Variants in ENPEP observed in about 807,000 individuals in gnomAD.
The protein encoded by ENPEP is glutamyl aminopeptidase, also known as AP-A.
Under a neutral mutation model 114.5 loss-of-function variants are expected in ENPEP, and 103 were observed. That is an observed-to-expected ratio of 0.90 (90% CI 0.77 to 1.06). The LOEUF is 1.06. Ranked by LOEUF, ENPEP falls within the 50% of genes least tolerant of loss-of-function variation. The probability of loss-of-function intolerance (pLI) is 0.00; values close to 1 mark genes in which losing one functional copy is unlikely to be tolerated. For synonymous variants in ENPEP, 420 were observed against 422.0 expected (o/e 1.00, Z 0.06); for missense variants, 1,196 against 1,161.3 (o/e 1.03, Z -0.43).
intron 3 of ENPEP, among the ~76,000 whole-genome samples, chr4:110,504,133 A>G (rs1175371378): frequency 1.3e-5 from 2 of 152,164 alleles, no homozygotes; most frequent in South Asian, 2.1e-4. Context: ...CAGTTGCTGT[A>G]GCAGAGGGCT....
At chr4:110,533,327 A>G in intron 11 of ENPEP, 1 of 163,960 alleles carries the variant, frequency 6.1e-6, no homozygotes, top group Non-Finnish European at 1.3e-5. Context: ...TATTTGGAAT[A>G]ATAAATTTAA....
Position 110,509,661 on chromosome 4 carries a change from G to T in ENPEP, c.1048G>T (p.Ala350Ser). ...NYSLPKLDKI[A>S]IPDFGTGAME... is the part of the protein sequence containing the mutation. ...TCTTTCTTCTTCTATAGATAAAATCGCTATTCCAGATTTTGGCACTGGTGC... is the reference window on the plus strand; with the variant it reads ...TCTTTCTTCTTCTATAGATAAAATCTCTATTCCAGATTTTGGCACTGGTGC... Residue 350 changes from alanine to serine, a missense_variant, in exon 5 of 20, where the codon GCT (alanine) becomes TCT (serine). Physicochemically the swap from Ala to Ser is moderately conservative, Grantham distance 99. Coordinates refer to ENST00000265162, the MANE Select transcript of ENPEP (RefSeq NM_001977.4). The T allele has an allele frequency of 6.2e-7, 1 of 1,611,500 alleles. No homozygotes were observed. Among genetic ancestry groups the T allele is most frequent in the South Asian group, 1.1e-5 (1 of 90,206 alleles).
intron 10 of ENPEP, 150 bp downstream of exon 10, chr4:110,520,516 G>A (rs1725949556): frequency 2.5e-6 from 2 of 800,886 alleles, no homozygotes; most frequent in South Asian, 3.9e-5. Context: ...TTCAAAAATA[G>A]CCAAGTGATT....
At chr4:110,506,023 CT>C (rs1378236893) in intron 3 of ENPEP, among the ~76,000 whole-genome samples, 8 of 152,172 alleles carry the variant, frequency 5.3e-5, no homozygotes, top group Non-Finnish European at 1.0e-4. Context: ...ATGACTTTCT[CT>C]CAGGGAAAGT....
intron 13 of ENPEP, among the ~76,000 whole-genome samples, chr4:110,546,170 G>A (rs1386566830): frequency 6.6e-6 from 1 of 151,930 alleles, no homozygotes; most frequent in African/African-American, 2.4e-5. Context: ...ATAGGCTGGT[G>A]GTGGGCTATC....
chr4:110,490,381 G>T (rs181380055), intron 2 of ENPEP, among the ~76,000 whole-genome samples: 402 of 152,294 alleles, frequency 2.6e-3, no homozygotes, highest in African/African-American at 9.3e-3. Context: ...GTGGCTGCAG[G>T]AGATGTGGAA....
intron 1 of ENPEP, among the ~76,000 whole-genome samples, chr4:110,484,549 G>T (rs540497520): frequency 1.3e-5 from 2 of 151,978 alleles, no homozygotes; most frequent in African/African-American, 4.8e-5. Flanking sequence ...CCACTGAGCT[G>T]GGCCAAACAC....
At chr4:110,520,118 CA>C (rs1560561850) in intron 9 of ENPEP, 45 bp downstream of exon 9, 1 of 1,600,152 alleles carries the variant, frequency 6.2e-7, no homozygotes, top group Non-Finnish European at 8.6e-7. Context: ...GTCTGATTTA[CA>C]AATGGCTTAC....
intron 10 of ENPEP, among the ~76,000 whole-genome samples, chr4:110,526,581 G>A (rs956978656): frequency 1.3e-5 from 2 of 152,150 alleles, no homozygotes; most frequent in Non-Finnish European, 2.9e-5. Context: ...CGAAGAGGAA[G>A]GCAGGAACCA....
In ENPEP at chr4:110,548,139, G is replaced by GTTTTTTTTTTT. The variant is rs3042468; in HGVS notation, c.2001-22_2001-12dup. On this transcript the variant is annotated intron_variant, in intron 13 of 19. Coordinates refer to ENST00000265162, the MANE Select transcript of ENPEP (RefSeq NM_001977.4). ...GTCTGTGGTTTTTAATTAACTGTGA[G>GTTTTTTTTTTT]TTTTTTTTTTTTTTTTTTTTTTTTT... is the stretch of plus-strand genomic sequence containing the variant. 3.5e-4 allele frequency: 241 copies of GTTTTTTTTTTT among 692,072 alleles called. 6 individuals carry two copies. Among genetic ancestry groups the GTTTTTTTTTTT allele is most frequent in the South Asian group, 6.5e-4 (17 of 26,334 alleles). The allele number at this position is 692,072 out of a possible 1,614,324, so 42.9% of individuals were successfully genotyped here. A position where few individuals can be genotyped will look rare whatever the true frequency, so the allele number is the denominator to read the frequency against.
At chr4:110,548,153 T>TG in intron 13 of ENPEP, 23 bp from the exon 14 acceptor site, 7 of 1,196,306 alleles carry the variant, frequency 5.9e-6, no homozygotes, top group Non-Finnish European at 7.3e-6. Context: ...TTTTTTTTTT[T>TG]TTTTTTTTTT....
rs1236909629 is a variant in ENPEP at position 110,561,442 on chromosome 4, G to A, written c.2758G>A (p.Ala920Thr). Reference sequence around the variant, plus strand: ...TTTTGCAAAATATCCACAAGCTGGAGCAGGAGAAAAACCTAGGGAACAAGT... The same window carrying A: ...TTTTGCAAAATATCCACAAGCTGGAACAGGAGAAAAACCTAGGGAACAAGT... ...SFFAKYPQAG[A>T]GEKPREQVLE... Residue 920 changes from alanine to threonine, a missense_variant, in exon 20 of 20, where the codon GCA becomes ACA. Physicochemically the swap from Ala to Thr is moderately conservative, Grantham distance 58. Transcript: ENST00000265162. The A allele has an allele frequency of 3.1e-6, 5 of 1,613,974 alleles. No homozygotes were observed. The highest frequency in any genetic ancestry group is 2.7e-5 in the African/African-American group (2 of 75,024).
At chr4:110,520,178 G>A (rs1560561871) in intron 9 of ENPEP, 37 bp from the exon 10 acceptor site, 6 of 1,601,414 alleles carry the variant, frequency 3.7e-6, no homozygotes, top group Non-Finnish European at 4.3e-6. Context: ...TCTCATATTT[G>A]TTAATTAATT....
At chr4:110,511,972 C>T (rs1027639187) in intron 6 of ENPEP, among the ~76,000 whole-genome samples, 1 of 151,956 alleles carries the variant, frequency 6.6e-6, no homozygotes, top group Admixed American at 6.6e-5. Context: ...CCATGATGGC[C>T]AGGCTGATCT....
chr4:110,540,034 GA>G (rs1726794133), intron 11 of ENPEP, among the ~76,000 whole-genome samples: 1 of 151,960 alleles, frequency 6.6e-6, no homozygotes, highest in African/African-American at 2.4e-5. Context: ...AAAAAAGTAA[GA>G]ATTTTCTAGA....
At chr4:110,500,857 G>A (rs1243605577) in intron 3 of ENPEP, among the ~76,000 whole-genome samples, 2 of 152,158 alleles carry the variant, frequency 1.3e-5, no homozygotes, top group Admixed American at 1.3e-4. Context: ...GATGATAGGG[G>A]AGAGTCAGTC....
At chr4:110,554,031 T>G (rs1449065665) in intron 18 of ENPEP, among the ~76,000 whole-genome samples, 2 of 152,036 alleles carry the variant, frequency 1.3e-5, no homozygotes, top group Non-Finnish European at 2.9e-5. Context: ...AAACTTCGTA[T>G]TTCCTCAGGC....
intron 8 of ENPEP, among the ~76,000 whole-genome samples, chr4:110,519,798 A>C (rs1396259838): frequency 6.6e-6 from 1 of 152,218 alleles, no homozygotes; most frequent in Non-Finnish European, 1.5e-5. Flanking sequence ...AGTTGAAAAA[A>C]ATCAAAAGAA....
chr4:110,479,920 C>A (rs1014645061), intron 1 of ENPEP, among the ~76,000 whole-genome samples: 2 of 152,104 alleles, frequency 1.3e-5, no homozygotes, highest in African/African-American at 4.8e-5. Context: ...CTATTATGTA[C>A]TTTATAAGTC....
Sources: gnomAD v4.1 joint callset for allele counts (sites outside exome capture counted in the v4.1 genomes callset) on GRCh38, gnomAD v4.1.1 for gene constraint, MANE v1.5 for transcripts, NCBI Gene and HGNC (gene_info 2026-07-23, HGNC 2026-07-21) for gene names.